FOXP1: variants seen among roughly 807,000 people sequenced by gnomAD.
FOXP1 encodes the protein forkhead box protein P1.
FOXP1 carries 15 observed loss-of-function variants against 98.2 expected under a neutral mutation model. The ratio of observed to expected loss-of-function variants is 0.15; its 90% confidence interval spans 0.10 to 0.24. The LOEUF (loss-of-function observed/expected upper bound fraction) is 0.24. Ranked by LOEUF, FOXP1 falls within the 10% of genes least tolerant of loss-of-function variation. The pLI, the probability that FOXP1 is intolerant of heterozygous loss-of-function variation, is 1.00. For missense variants in FOXP1, 633 were observed against 848.5 expected (o/e 0.75, Z 3.15); for synonymous variants, 371 against 314.5 (o/e 1.18, Z -1.90).
intron 3 of FOXP1, among the ~76,000 whole-genome samples, chr3:71,437,961 G>A (rs1052078206): frequency 1.3e-5 from 2 of 152,156 alleles, no homozygotes; most frequent in Non-Finnish European, 2.9e-5. Context: ...GCTGATGGGA[G>A]GGGTAGAAAA....
intron 5 of FOXP1, among the ~76,000 whole-genome samples, chr3:71,244,621 G>C (rs1332104162): frequency 6.6e-6 from 1 of 152,116 alleles, no homozygotes; most frequent in African/African-American, 2.4e-5. Context: ...CAGATCGGGG[G>C]TGTTTTCAGC....
chr3:71,427,667 T>C (rs1406169846), intron 3 of FOXP1, among the ~76,000 whole-genome samples: 1 of 151,956 alleles, frequency 6.6e-6, no homozygotes, highest in African/African-American at 2.4e-5. Flanking sequence ...TGAGAGGAGA[T>C]GCTCAGGAAG....
chr3:71,295,504 A>G (rs1257725117), intron 5 of FOXP1, among the ~76,000 whole-genome samples: 1 of 152,126 alleles, frequency 6.6e-6, no homozygotes, highest in Admixed American at 6.5e-5. Flanking sequence ...TGGGGGGAAA[A>G]TTGCAATGAT....
At chr3:71,474,583 C>T (rs2089653799) in intron 3 of FOXP1, among the ~76,000 whole-genome samples, 1 of 152,138 alleles carries the variant, frequency 6.6e-6, no homozygotes, top group Non-Finnish European at 1.5e-5. Flanking sequence ...CCTCCTGTCA[C>T]ATAAGCAGTG....
At chr3:71,075,688 G>T (rs1272651673) in intron 7 of FOXP1, among the ~76,000 whole-genome samples, 2 of 150,200 alleles carry the variant, frequency 1.3e-5, no homozygotes, top group African/African-American at 4.9e-5. Context: ...TAAACACTGA[G>T]CTCTCAAGGA....
At chr3:71,238,848 T>C (rs2067017654) in intron 5 of FOXP1, among the ~76,000 whole-genome samples, 1 of 152,228 alleles carries the variant, frequency 6.6e-6, no homozygotes, top group African/African-American at 2.4e-5. Flanking sequence ...TTGAAGAGGT[T>C]TACAATCTCA....
At chr3:71,167,429 G>GT (rs1238250547) in intron 6 of FOXP1, among the ~76,000 whole-genome samples, 3 of 152,172 alleles carry the variant, frequency 2.0e-5, no homozygotes, top group Admixed American at 6.5e-5. Context: ...TATTTAAAGC[G>GT]TAAGAGAGCA....
At chr3:71,330,851 A>C (rs1440717463) in intron 4 of FOXP1, among the ~76,000 whole-genome samples, 1 of 152,246 alleles carries the variant, frequency 6.6e-6, no homozygotes, top group Non-Finnish European at 1.5e-5. Context: ...TCCCCACATA[A>C]AAACATACAG....
intron 4 of FOXP1, among the ~76,000 whole-genome samples, chr3:71,353,025 A>G (rs1181987966): frequency 6.6e-6 from 1 of 152,176 alleles, no homozygotes; most frequent in African/African-American, 2.4e-5. Flanking sequence ...AGATGTGGAC[A>G]AAGACAGGAC....
intron 3 of FOXP1, among the ~76,000 whole-genome samples, chr3:71,363,127 TA>T (rs61474468): frequency 0.024 from 3,547 of 147,642 alleles, 131 homozygotes; most frequent in African/African-American, 0.081. Flanking sequence ...TGAATAACTT[TA>T]AAAAAAAAAG....
At chr3:71,222,481 C>T (rs936586373) in intron 5 of FOXP1, among the ~76,000 whole-genome samples, 3 of 152,014 alleles carry the variant, frequency 2.0e-5, no homozygotes, top group Admixed American at 6.5e-5. Context: ...TGCAGTGGCG[C>T]GATCTCAGCT....
At chr3:71,505,510 T>C (rs1321593946) in intron 2 of FOXP1, among the ~76,000 whole-genome samples, 1 of 136,784 alleles carries the variant, frequency 7.3e-6, no homozygotes, top group Non-Finnish European at 1.5e-5. Flanking sequence ...AATCTCCGCC[T>C]CCCCTCCCAG....
chr3:71,125,606 A>T (rs1248748883), intron 6 of FOXP1, among the ~76,000 whole-genome samples: 1 of 152,228 alleles, frequency 6.6e-6, no homozygotes, highest in Non-Finnish European at 1.5e-5. Flanking sequence ...GTCATCTGAT[A>T]CACAGTTGTG....
At chr3:71,022,303 T>G (rs1407519783) in intron 11 of FOXP1, among the ~76,000 whole-genome samples, 1 of 152,212 alleles carries the variant, frequency 6.6e-6, no homozygotes. Flanking sequence ...TCACTTTTCT[T>G]AGATTTCTTT....
chr3:71,123,022 A>C (rs775938500), intron 6 of FOXP1, among the ~76,000 whole-genome samples: 1 of 151,960 alleles, frequency 6.6e-6, no homozygotes, highest in East Asian at 1.9e-4. Flanking sequence ...TCCCCACACA[A>C]AAGACTTGCT....
intron 6 of FOXP1, among the ~76,000 whole-genome samples, chr3:71,150,878 C>G (rs576874559): frequency 3.9e-5 from 6 of 152,032 alleles, no homozygotes; most frequent in Admixed American, 1.3e-4. Flanking sequence ...TTTCGTATTC[C>G]CCAGGATACT....
At chr3:71,367,960 G>A (rs1332063860) in intron 3 of FOXP1, among the ~76,000 whole-genome samples, 2 of 152,090 alleles carry the variant, frequency 1.3e-5, no homozygotes. Flanking sequence ...TCCTGTGAGA[G>A]CCAATCTGTT....
intron 4 of FOXP1, among the ~76,000 whole-genome samples, chr3:71,338,467 G>A (rs936010504): frequency 6.6e-5 from 10 of 152,190 alleles, no homozygotes; most frequent in African/African-American, 1.4e-4. Context: ...TCTTTGAGAC[G>A]GAGTCTCACT....
intron 7 of FOXP1, among the ~76,000 whole-genome samples, chr3:71,092,887 T>C (rs1258278479): frequency 4.6e-5 from 7 of 152,126 alleles, no homozygotes; most frequent in Non-Finnish European, 8.8e-5. Context: ...AGATATACTT[T>C]AGAGATATAT....
Sources: allele counts gnomAD v4.1 joint callset (sites outside exome capture counted in the v4.1 genomes callset), GRCh38; gene constraint gnomAD v4.1.1; transcripts MANE v1.5; gene names NCBI Gene and HGNC (gene_info 2026-07-23, HGNC 2026-07-21).